CUL1: variants seen among roughly 807,000 people sequenced by gnomAD.
The protein encoded by CUL1 is cullin-1.
CUL1 carries 24 observed loss-of-function variants against 118.0 expected under a neutral mutation model. That is an observed-to-expected ratio of 0.20 (90% CI 0.15 to 0.29). The LOEUF is 0.29. CUL1 is among the 10% of genes least tolerant of loss of function. The pLI, the probability that CUL1 is intolerant of heterozygous loss-of-function variation, is 1.00. For synonymous variants in CUL1, 332 were observed against 340.4 expected, an observed-to-expected ratio of 0.98 and a Z score of 0.27; for missense variants, 361 against 933.8, an observed-to-expected ratio of 0.39 and a Z score of 7.99.
intron 9 of CUL1, among the ~76,000 whole-genome samples, chr7:148,780,035 C>G (rs1379745582): frequency 6.6e-6 from 1 of 152,226 alleles, no homozygotes; most frequent in Non-Finnish European, 1.5e-5. Context: ...CTTAGACTGG[C>G]TCTCCTTGCT....
intron 2 of CUL1, 58 bp from the exon 3 acceptor site, chr7:148,753,918 T>G: frequency 7.7e-7 from 1 of 1,295,152 alleles, no homozygotes; most frequent in South Asian, 1.5e-5. Flanking sequence ...AAAATATGTT[T>G]ATGTTAATGA....
chr7:148,788,499 T>A, intron 13 of CUL1, 58 bp from the exon 14 acceptor site: 1 of 1,062,924 alleles, frequency 9.4e-7, no homozygotes, highest in Admixed American at 1.8e-5. Context: ...TAAGATTCCC[T>A]TGTATACATT....
intron 1 of CUL1, among the ~76,000 whole-genome samples, chr7:148,711,883 A>C (rs747179263): frequency 2.6e-5 from 4 of 152,202 alleles, no homozygotes; most frequent in Non-Finnish European, 5.9e-5. Flanking sequence ...TGTTCATCTA[A>C]ATGGGAGTTA....
chr7:148,744,579 G>T lies in CUL1; in HGVS notation c.141-9397G>T, dbSNP rs1488284267. The stretch of plus-strand genomic sequence containing the variant: ...TATAGTTCCATTTACTACTCGTATC[G>T]CTCTCCTTTATATTACCTCTACATA... On this transcript the variant is annotated intron_variant, in intron 2 of 21. Coordinates refer to ENST00000325222, the MANE Select transcript of CUL1 (RefSeq NM_003592.3). Among the ~76,000 whole-genome samples the T allele has an allele frequency of 2.6e-5, 4 of 152,046 alleles. No individual in the cohort carries two copies. The East Asian group carries it at 7.7e-4, about 29-fold the overall frequency.
intron 2 of CUL1, among the ~76,000 whole-genome samples, chr7:148,744,371 T>G (rs1196617167): frequency 6.6e-6 from 1 of 151,692 alleles, no homozygotes. Context: ...TAGTTCCTTT[T>G]TAATATATTT....
intron 16 of CUL1, among the ~76,000 whole-genome samples, chr7:148,791,596 C>T (rs376291537): frequency 1.1e-4 from 17 of 152,376 alleles, no homozygotes; most frequent in African/African-American, 3.4e-4. Flanking sequence ...TAAGGCAGCC[C>T]GGAGCGGGCC....
chr7:148,725,219 G>GCGCGCACACACACACACACACACACA, intron 1 of CUL1, among the ~76,000 whole-genome samples: 18 of 140,060 alleles, frequency 1.3e-4, no homozygotes, highest in South Asian at 2.4e-4. Context: ...ACACGCGCGC[G>GCGCGCACACACACACACACACACACA]CTCACACACA....
intron 16 of CUL1, 25 bp downstream of exon 16, chr7:148,790,466 AT>A: frequency 3.1e-6 from 5 of 1,596,286 alleles, no homozygotes; most frequent in Non-Finnish European, 4.3e-6. Context: ...TTATCTTAAA[AT>A]TTTTCTATTC....
At chr7:148,766,360 G>C (rs1800006021) in intron 7 of CUL1, among the ~76,000 whole-genome samples, 1 of 151,994 alleles carries the variant, frequency 6.6e-6, no homozygotes, top group South Asian at 2.1e-4. Context: ...TCCTGGCCTC[G>C]AGCAATCCTC....
intron 1 of CUL1, among the ~76,000 whole-genome samples, chr7:148,713,323 A>T (rs1798109046): frequency 6.6e-6 from 1 of 152,212 alleles, no homozygotes; most frequent in South Asian, 2.1e-4. Context: ...CAAACTGGGC[A>T]GTCTTTATAA....
chr7:148,800,674 C>G lies in CUL1; in HGVS notation c.*92C>G. 1.0e-6 allele frequency: 1 copy of G among 963,856 alleles called. No individual in the cohort carries two copies. The highest frequency in any genetic ancestry group is 2.2e-5 in the Admixed American group (1 of 46,394). The allele number at this position is 963,856 out of a possible 1,614,324, so 59.7% of individuals were successfully genotyped here. ...CTCAAGTTCATAGCAGCCAGCCTGC[C>G]GCCATTGGACCTCCCTTTTAAAAAC... On this transcript the variant is annotated 3_prime_UTR_variant, in exon 22 of 22. Transcript: ENST00000325222. The surrounding 1 kb of genome is among the most constrained non-coding windows in gnomAD (Gnocchi z 4.6).
intron 9 of CUL1, among the ~76,000 whole-genome samples, chr7:148,770,717 G>A (rs1236970290): frequency 2.0e-5 from 3 of 152,168 alleles, no homozygotes; most frequent in African/African-American, 7.2e-5. Context: ...CAGGGGGAGC[G>A]TGGGTGCCCG....
chr7:148,725,250 CGT>C (rs1798540448), intron 1 of CUL1, among the ~76,000 whole-genome samples: 1 of 152,046 alleles, frequency 6.6e-6, no homozygotes, highest in Non-Finnish European at 1.5e-5. Context: ...CACACACACC[CGT>C]ACCCCTCTAA....
intron 1 of CUL1, among the ~76,000 whole-genome samples, chr7:148,712,434 C>A (rs1298295601): frequency 6.6e-6 from 1 of 152,190 alleles, no homozygotes; most frequent in Non-Finnish European, 1.5e-5. Context: ...CTGAAAGTTA[C>A]ATTTTGGTGG....
intron 1 of CUL1, among the ~76,000 whole-genome samples, chr7:148,713,448 A>G (rs1315482635): frequency 1.3e-5 from 2 of 152,198 alleles, no homozygotes; most frequent in Non-Finnish European, 2.9e-5. Flanking sequence ...TAAAATAGGA[A>G]GAATATAGAT....
At chr7:148,714,147 T>G (rs1256544115) in intron 1 of CUL1, among the ~76,000 whole-genome samples, 3 of 152,232 alleles carry the variant, frequency 2.0e-5, no homozygotes, top group African/African-American at 7.2e-5. Context: ...GAAGTCGGTA[T>G]TTTGGTGTTT....
intron 2 of CUL1, among the ~76,000 whole-genome samples, chr7:148,734,662 A>G (rs531883845): frequency 6.6e-6 from 1 of 152,266 alleles, no homozygotes; most frequent in South Asian, 2.1e-4. Context: ...CAATTTATTG[A>G]CACCGCTATA....
intron 2 of CUL1, among the ~76,000 whole-genome samples, chr7:148,735,879 G>A (rs1181903931): frequency 2.0e-5 from 3 of 152,050 alleles, no homozygotes; most frequent in East Asian, 3.9e-4. Context: ...CCTTATAACT[G>A]TTAAATGAAG....
Position 148,740,197 on chromosome 7 carries a change from C to T in CUL1, c.140+9935C>T, listed in dbSNP as rs376971216. The stretch of plus-strand genomic sequence containing the variant: ...CCTCCTGAGTAGCTGGGATTACAGA[C>T]GCACGCCACCACGCCTAGCTAATTT... On this transcript the variant is annotated intron_variant, in intron 2 of 21. Transcript: ENST00000325222. Among the ~76,000 whole-genome samples, 407 of 152,044 alleles carry T rather than the reference C, an allele frequency of 2.7e-3. 1 individual carries two copies. The highest frequency in any genetic ancestry group is 9.5e-3 in the African/African-American group (392 of 41,468).
Sources: allele counts gnomAD v4.1 joint callset (sites outside exome capture counted in the v4.1 genomes callset), GRCh38; gene constraint gnomAD v4.1.1; non-coding constraint Gnocchi (gnomAD v3.1); transcripts MANE v1.5; gene names NCBI Gene and HGNC (gene_info 2026-07-23, HGNC 2026-07-21).